CSMD3: variants seen among roughly 807,000 people sequenced by gnomAD.
CSMD3 encodes CUB and sushi domain-containing protein 3.
CSMD3 carries 177 observed loss-of-function variants against 435.2 expected under a neutral mutation model. That is an observed-to-expected ratio of 0.41 (90% CI 0.36 to 0.46). The LOEUF is 0.46. CSMD3 is among the 20% of genes least tolerant of loss of function. CSMD3 has a pLI of 0.34. For synonymous variants in CSMD3, 1,656 were observed against 1,520.5 expected (o/e 1.09, Z -2.07); for missense variants, 4,265 against 4,504.6 (o/e 0.95, Z 1.52).
intron 22 of CSMD3, among the ~76,000 whole-genome samples, chr8:112,615,506 A>G (rs891054133): frequency 1.3e-5 from 2 of 152,104 alleles, no homozygotes; most frequent in African/African-American, 4.8e-5. Flanking sequence ...AGAAGCATGC[A>G]GAAATCTACT....
intron 1 of CSMD3, among the ~76,000 whole-genome samples, chr8:113,386,264 T>C (rs1198178204): frequency 6.6e-6 from 1 of 151,956 alleles, no homozygotes; most frequent in Non-Finnish European, 1.5e-5. Flanking sequence ...TAGATGTCTG[T>C]AAAGATGACT....
At chr8:112,768,575 C>T (rs10955633) in intron 13 of CSMD3, among the ~76,000 whole-genome samples, 57,256 of 151,686 alleles carry the variant, frequency 0.38, 12,114 homozygotes, top group African/African-American at 0.58. Flanking sequence ...AAATAGTGCA[C>T]TGAGTTACAT....
chr8:112,650,060 A>G, intron 19 of CSMD3, 101 bp downstream of exon 19: 1 of 902,630 alleles, frequency 1.1e-6, no homozygotes. Flanking sequence ...AACTTTTAAA[A>G]AACCTAAAAT....
intron 24 of CSMD3, among the ~76,000 whole-genome samples, chr8:112,562,930 C>A (rs976865891): frequency 2.0e-5 from 3 of 151,660 alleles, no homozygotes; most frequent in Admixed American, 6.6e-5. Context: ...CAATCTATTT[C>A]TTTTTGTATT....
At chr8:112,427,604 A>T (rs558848963) in intron 32 of CSMD3, among the ~76,000 whole-genome samples, 1 of 152,284 alleles carries the variant, frequency 6.6e-6, no homozygotes, top group African/African-American at 2.4e-5. Flanking sequence ...CCTTACAGCA[A>T]CATGAGAACA....
chr8:113,417,859 G>A (rs955276147), intron 1 of CSMD3, among the ~76,000 whole-genome samples: 4 of 151,834 alleles, frequency 2.6e-5, no homozygotes, highest in Admixed American at 6.6e-5. Context: ...AGAATATCAT[G>A]GGAGAACTAG....
chr8:112,382,442 A>G lies in CSMD3; in HGVS notation c.6031+1125T>C, dbSNP rs545895684. Among the ~76,000 whole-genome samples, 8 of 152,232 alleles carry G rather than the reference A, an allele frequency of 5.3e-5. No homozygotes were observed. The East Asian group carries it at 9.7e-4, about 18-fold the overall frequency. ...TTAAATCAAATCACTCTTGCTCCAG[A>G]TATTTCTTTCTTTTCCTCATTGGTG... On this transcript the variant is annotated intron_variant, in intron 37 of 70. Transcript: ENST00000297405.
chr8:113,139,286 G>C (rs920232486), intron 4 of CSMD3, among the ~76,000 whole-genome samples: 1 of 150,784 alleles, frequency 6.6e-6, no homozygotes, highest in Non-Finnish European at 1.5e-5. Context: ...ATAAATATAA[G>C]AGATTTTTCT....
At chr8:112,421,955 T>TA (rs1438204180) in intron 32 of CSMD3, among the ~76,000 whole-genome samples, 1 of 151,690 alleles carries the variant, frequency 6.6e-6, no homozygotes, top group South Asian at 2.1e-4. Flanking sequence ...GTTTTGCAGA[T>TA]AAAAAAACAA....
At chr8:112,529,875 G>A (rs1159175946) in intron 27 of CSMD3, among the ~76,000 whole-genome samples, 1 of 151,960 alleles carries the variant, frequency 6.6e-6, no homozygotes, top group East Asian at 1.9e-4. Flanking sequence ...TTATCTGACA[G>A]ACAAATAAAA....
At chr8:112,362,342 G>A (rs4428695) in intron 38 of CSMD3, among the ~76,000 whole-genome samples, 31,040 of 151,780 alleles carry the variant, frequency 0.2, 3,722 homozygotes, top group East Asian at 0.4. Flanking sequence ...ATGTAGCACA[G>A]GCTACATTAA....
At chr8:113,074,635 A>G (rs2089266138) in intron 5 of CSMD3, among the ~76,000 whole-genome samples, 1 of 151,930 alleles carries the variant, frequency 6.6e-6, no homozygotes, top group Non-Finnish European at 1.5e-5. Flanking sequence ...AAAGAAGGCT[A>G]GAGCCATGTG....
chr8:112,903,656 T>C (rs2082171065), intron 10 of CSMD3, among the ~76,000 whole-genome samples: 3 of 151,206 alleles, frequency 2.0e-5, no homozygotes, highest in African/African-American at 7.3e-5. Flanking sequence ...ACAAACACTG[T>C]AAATTTAACT....
chr8:112,845,374 G>C (rs879539894), intron 11 of CSMD3, among the ~76,000 whole-genome samples: 1 of 152,008 alleles, frequency 6.6e-6, no homozygotes, highest in Non-Finnish European at 1.5e-5. Flanking sequence ...TGGGAAGATA[G>C]GACAGGCTTC....
Position 112,859,142 on chromosome 8 carries a change from T to A in CSMD3, c.1755+3A>T. ...TTTTAAATCACAGATGGTGTTCTCTTACCTTATTTGTATTCACTGCTGTGA... is the reference window on the plus strand; with the variant it reads ...TTTTAAATCACAGATGGTGTTCTCTAACCTTATTTGTATTCACTGCTGTGA... On this transcript the variant is annotated splice_donor_region_variant and intron_variant, in intron 11 of 70. Transcript: ENST00000297405. 6.2e-7 allele frequency: 1 copy of A among 1,610,032 alleles called. No homozygotes were observed. Among genetic ancestry groups the A allele is most frequent in the Non-Finnish European group, 8.5e-7 (1 of 1,176,732 alleles).
chr8:112,557,285 A>G (rs1828210404), intron 24 of CSMD3, among the ~76,000 whole-genome samples: 1 of 151,928 alleles, frequency 6.6e-6, no homozygotes, highest in South Asian at 2.1e-4. Context: ...CAACAAGTAT[A>G]TATTTGTTCT....
chr8:112,600,805 G>A (rs1271670804), intron 22 of CSMD3, among the ~76,000 whole-genome samples: 1 of 151,852 alleles, frequency 6.6e-6, no homozygotes, highest in Non-Finnish European at 1.5e-5. Flanking sequence ...AGCCTGCTGA[G>A]TAGCTGGGAC....
At chr8:112,461,357 T>C (rs552658409) in intron 32 of CSMD3, among the ~76,000 whole-genome samples, 2 of 152,272 alleles carry the variant, frequency 1.3e-5, no homozygotes, top group South Asian at 4.1e-4. Context: ...TAAAAAAGGC[T>C]GTATGTAATG....
At chr8:112,506,508 A>G (rs1182971390) in intron 29 of CSMD3, among the ~76,000 whole-genome samples, 183 bp downstream of exon 29, 1 of 152,144 alleles carries the variant, frequency 6.6e-6, no homozygotes, top group African/African-American at 2.4e-5. Flanking sequence ...ACTCAAATAA[A>G]TAACTTGCCC....
Sources: allele counts gnomAD v4.1 joint callset (sites outside exome capture counted in the v4.1 genomes callset), GRCh38; gene constraint gnomAD v4.1.1; transcripts MANE v1.5; gene names NCBI Gene and HGNC (gene_info 2026-07-23, HGNC 2026-07-21).